Variants in SRD5A2 observed in about 807,000 individuals in gnomAD.
SRD5A2 encodes the protein 3-oxo-5-alpha-steroid 4-dehydrogenase 2.
Under a neutral mutation model 27.4 loss-of-function variants are expected in SRD5A2, and 30 were observed. That is an observed-to-expected ratio of 1.10 (90% CI 0.82 to 1.49). The LOEUF is 1.49. SRD5A2 is among the 40% of genes most tolerant of loss of function. SRD5A2 has a pLI of 0.00. For synonymous variants in SRD5A2, 141 were observed against 133.6 expected, an observed-to-expected ratio of 1.06 and a Z score of -0.38; for missense variants, 348 against 323.4, an observed-to-expected ratio of 1.08 and a Z score of -0.58.
chr2:31,653,458 C>A, the SRD5A2 span, among the ~76,000 whole-genome samples: 1 of 152,094 alleles, frequency 6.6e-6, no homozygotes, highest in Non-Finnish European at 1.5e-5. Flanking sequence ...TCTGGGATAC[C>A]TCACTCTCTC....
At chr2:31,620,105 T>C in the SRD5A2 span, among the ~76,000 whole-genome samples, 1,425 of 152,224 alleles carry the variant, frequency 9.4e-3, 20 homozygotes, top group South Asian at 0.031. Context: ...CATCTTGAGA[T>C]GCAGAAAAGG....
chr2:31,540,065 C>A (rs544361885), intron 1 of SRD5A2, among the ~76,000 whole-genome samples: 2 of 151,992 alleles, frequency 1.3e-5, no homozygotes, highest in Non-Finnish European at 2.9e-5. Context: ...TGTGGCATTA[C>A]GGGAAGTATG....
chr2:31,577,162 T>TAAAAAAAAA, intron 1 of SRD5A2, among the ~76,000 whole-genome samples: 2 of 57,180 alleles, frequency 3.5e-5, no homozygotes, highest in African/African-American at 7.3e-5. Context: ...AAAAAAACAT[T>TAAAAAAAAA]AAAAAAAAAA....
At chr2:31,568,543 G>A (rs1469961487) in intron 1 of SRD5A2, among the ~76,000 whole-genome samples, 2 of 152,092 alleles carry the variant, frequency 1.3e-5, no homozygotes, top group Non-Finnish European at 2.9e-5. Context: ...TTGGTCCATG[G>A]GCCACCATGA....
At chr2:31,578,025 A>T (rs1666995465) in intron 1 of SRD5A2, among the ~76,000 whole-genome samples, 1 of 152,204 alleles carries the variant, frequency 6.6e-6, no homozygotes, top group African/African-American at 2.4e-5. Flanking sequence ...GAAATCTGTG[A>T]TAATGTTGGA....
the SRD5A2 span, among the ~76,000 whole-genome samples, chr2:31,620,891 C>T: frequency 6.9e-6 from 1 of 145,798 alleles, no homozygotes; most frequent in Non-Finnish European, 1.5e-5. Context: ...TTAAAAGATC[C>T]ATTATATTTG....
chr2:31,587,574 A>T, the SRD5A2 span, among the ~76,000 whole-genome samples: 1 of 152,352 alleles, frequency 6.6e-6, no homozygotes, highest in Middle Eastern at 3.4e-3. Context: ...AGCCATAAAA[A>T]AAATGAGTTC....
Position 31,524,353 on chromosome 2 carries a change from T to C in SRD5A2, c.*1843A>G, listed in dbSNP as rs61750402. ...CTCATGACGTTTTCCTGCACCTTTA[T>C]TGTACTTCCTTGTAGTTCTGAATTG... On this transcript the variant is annotated 3_prime_UTR_variant, in exon 5 of 5. Coordinates refer to ENST00000622030, the MANE Select transcript of SRD5A2 (RefSeq NM_000348.4). The C allele has an allele frequency of 4.0e-5, 9 of 227,490 alleles. No individual in the cohort carries two copies. In the East Asian group the frequency reaches 4.4e-4, roughly 11 times the overall value. 14.1% of individuals were successfully genotyped at this position (227,490 alleles called of 1,614,324 possible). A position where few individuals can be genotyped will look rare whatever the true frequency, so the allele number is the denominator to read the frequency against.
At chr2:31,656,564 G>A in the SRD5A2 span, among the ~76,000 whole-genome samples, 5 of 151,994 alleles carry the variant, frequency 3.3e-5, no homozygotes, top group Non-Finnish European at 7.4e-5. Context: ...ATACGTTGGG[G>A]GAAAATAGCT....
At chr2:31,589,460 C>T in the SRD5A2 span, among the ~76,000 whole-genome samples, 354 of 152,354 alleles carry the variant, frequency 2.3e-3, no homozygotes, top group African/African-American at 7.7e-3. Flanking sequence ...CCCCTCTGCC[C>T]GGATGCCCCC....
the SRD5A2 span, among the ~76,000 whole-genome samples, chr2:31,608,821 T>C: frequency 6.6e-6 from 1 of 152,092 alleles, no homozygotes; most frequent in Admixed American, 6.6e-5. Flanking sequence ...GAAGACTTAC[T>C]ATTGTTAGAA....
At chr2:31,597,478 T>G in the SRD5A2 span, among the ~76,000 whole-genome samples, 929 of 152,162 alleles carry the variant, frequency 6.1e-3, 5 homozygotes, top group Non-Finnish European at 8.4e-3. Flanking sequence ...ACTAAAAAGC[T>G]TCTGCATAGC....
the SRD5A2 span, among the ~76,000 whole-genome samples, chr2:31,634,995 G>A: frequency 6.6e-6 from 1 of 152,098 alleles, no homozygotes; most frequent in Non-Finnish European, 1.5e-5. Flanking sequence ...AATAAAGATG[G>A]GAGTGCAGCT....
At chr2:31,594,327 C>G in the SRD5A2 span, among the ~76,000 whole-genome samples, 1 of 152,124 alleles carries the variant, frequency 6.6e-6, no homozygotes, top group Admixed American at 6.5e-5. Flanking sequence ...CATAAAGACT[C>G]ACATAAACTT....
the SRD5A2 span, among the ~76,000 whole-genome samples, chr2:31,615,915 T>C: frequency 6.6e-6 from 1 of 152,078 alleles, no homozygotes; most frequent in Non-Finnish European, 1.5e-5. Context: ...CCATGGCTAA[T>C]AGGGGTCAAG....
the SRD5A2 span, among the ~76,000 whole-genome samples, chr2:31,637,112 TTGA>T: frequency 6.6e-6 from 1 of 152,128 alleles, no homozygotes; most frequent in African/African-American, 2.4e-5. Flanking sequence ...GGGCTTTTCT[TTGA>T]TGAGAGATTT....
At chr2:31,565,630 C>T (rs572974293) in intron 1 of SRD5A2, among the ~76,000 whole-genome samples, 60 of 151,876 alleles carry the variant, frequency 4.0e-4, no homozygotes, top group Non-Finnish European at 6.2e-4. Flanking sequence ...TGTTTCATCA[C>T]GATAAAAGCA....
chr2:31,583,651 C>CAAAAAAAAAACAAAAAAAAAAA (rs1558379512), upstream of SRD5A2, among the ~76,000 whole-genome samples: 1 of 66,510 alleles, frequency 1.5e-5, no homozygotes, highest in Non-Finnish European at 2.9e-5. Context: ...AAAAAAAAAA[C>CAAAAAAAAAACAAAAAAAAAAA]CAAAAAAAAA....
chr2:31,579,198 T>G (rs906194298), intron 1 of SRD5A2, among the ~76,000 whole-genome samples: 2 of 152,252 alleles, frequency 1.3e-5, no homozygotes, highest in African/African-American at 4.8e-5. Context: ...ATTTGCCTTT[T>G]AAAAAGAGTG....
Sources: gnomAD v4.1 joint callset for allele counts (sites outside exome capture counted in the v4.1 genomes callset) on GRCh38, gnomAD v4.1.1 for gene constraint, MANE v1.5 for transcripts, NCBI Gene and HGNC (gene_info 2026-07-23, HGNC 2026-07-21) for gene names.